FMN2: variants seen among roughly 807,000 people sequenced by gnomAD.
The protein encoded by FMN2 is formin 2.
A neutral mutation model predicts 142.3 loss-of-function variants in FMN2; 51 were observed. The ratio of observed to expected loss-of-function variants is 0.36; its 90% CI spans 0.29 to 0.45. FMN2 has a LOEUF of 0.45. FMN2 is among the 20% of genes least tolerant of loss of function. FMN2 has a pLI of 1.00. For missense variants in FMN2, 1,936 were observed against 2,122.8 expected (o/e 0.91, Z 1.73); for synonymous variants, 882 against 869.8 (o/e 1.01, Z -0.25).
rs1328047452 is a variant in FMN2, at chr1:240,473,037, G to A, written c.5142+584G>A. ...GTGCATGTTGGCAGGGGCAGGGTGG[G>A]GAGACCATCTTTCACTTTCTTTGTT... On this transcript the variant is annotated intron_variant, in intron 17 of 17. Coordinates refer to ENST00000319653, the MANE Select transcript of FMN2 (RefSeq NM_020066.5). This position sits in a 1 kb window ranked among gnomAD's most constrained non-coding sequence, Gnocchi z 4.3. Among the ~76,000 whole-genome samples, 3 of 152,128 alleles carry A rather than the reference G, an allele frequency of 2.0e-5. No individual in the cohort carries two copies. Among genetic ancestry groups the A allele is most frequent in the African/African-American group, 7.2e-5 (3 of 41,422 alleles).
chr1:240,185,966 G>T (rs1333260243), intron 3 of FMN2, among the ~76,000 whole-genome samples: 1 of 152,178 alleles, frequency 6.6e-6, no homozygotes, highest in Non-Finnish European at 1.5e-5. Context: ...CTGGTGTTAA[G>T]TTCAGAGTAG....
At chr1:240,429,665 A>G (rs887606576) in intron 15 of FMN2, among the ~76,000 whole-genome samples, 3 of 152,174 alleles carry the variant, frequency 2.0e-5, no homozygotes, top group African/African-American at 7.2e-5. Context: ...AAGTGGAATC[A>G]TATGGCGTGT....
At chr1:240,370,913 A>C (rs1272144325) in intron 14 of FMN2, among the ~76,000 whole-genome samples, 1 of 152,198 alleles carries the variant, frequency 6.6e-6, no homozygotes, top group Non-Finnish European at 1.5e-5. Context: ...AATATATTTT[A>C]AACTATGTAA....
At chr1:240,145,961 T>C (rs1275444143) in intron 2 of FMN2, among the ~76,000 whole-genome samples, 1 of 152,152 alleles carries the variant, frequency 6.6e-6, no homozygotes, top group Non-Finnish European at 1.5e-5. Context: ...TTGAGCTTCA[T>C]GCATCAATTA....
At chr1:240,144,332 T>C in intron 2 of FMN2, 1 of 1,606,670 alleles carries the variant, frequency 6.2e-7, no homozygotes, top group Non-Finnish European at 8.5e-7. Flanking sequence ...GTGGGTTTTG[T>C]AGATGTCATC....
chr1:240,236,275 C>T (rs1042750446), intron 6 of FMN2, among the ~76,000 whole-genome samples: 3 of 152,150 alleles, frequency 2.0e-5, no homozygotes, highest in African/African-American at 7.2e-5. Context: ...TAGCACCATC[C>T]ATACTGTTCA....
intron 14 of FMN2, among the ~76,000 whole-genome samples, chr1:240,368,127 A>G (rs1226549271): frequency 6.6e-6 from 1 of 152,174 alleles, no homozygotes; most frequent in East Asian, 1.9e-4. Flanking sequence ...ACCTGTTACT[A>G]TTCTATTTAC....
At chr1:240,144,905 T>C in intron 2 of FMN2, 6 of 1,369,572 alleles carry the variant, frequency 4.4e-6, no homozygotes, top group Non-Finnish European at 6.3e-6. Context: ...CCTGATATAC[T>C]CATGACTCCA....
At chr1:240,346,536 C>CCCT (rs1671914259) in intron 13 of FMN2, among the ~76,000 whole-genome samples, 2 of 152,112 alleles carry the variant, frequency 1.3e-5, no homozygotes, top group Non-Finnish European at 2.9e-5. Flanking sequence ...GTTGTAGTTA[C>CCCT]CTCTGGGCCT....
At chr1:240,441,684 G>A (rs575736662) in intron 16 of FMN2, among the ~76,000 whole-genome samples, 2 of 146,474 alleles carry the variant, frequency 1.4e-5, no homozygotes, top group East Asian at 4.0e-4. Context: ...ATATGGTATA[G>A]CTCTCATATC....
At chr1:240,107,953 C>T (rs1446685475) in intron 1 of FMN2, among the ~76,000 whole-genome samples, 1 of 152,162 alleles carries the variant, frequency 6.6e-6, no homozygotes, top group Admixed American at 6.5e-5. Context: ...ATCAAACGTG[C>T]ACCTCAGTTC....
chr1:240,191,045 C>T (rs1208072239), intron 4 of FMN2, among the ~76,000 whole-genome samples: 1 of 152,030 alleles, frequency 6.6e-6, no homozygotes, highest in Admixed American at 6.6e-5. Flanking sequence ...GAATGATGAA[C>T]CTAAGAGATT....
chr1:240,389,343 G>A (rs371760095), intron 14 of FMN2, among the ~76,000 whole-genome samples: 7 of 152,104 alleles, frequency 4.6e-5, no homozygotes, highest in African/African-American at 1.4e-4. Context: ...ATAAGTTGTT[G>A]CAAATAGAAA....
chr1:240,110,582 TG>T (rs1661773837), intron 1 of FMN2, among the ~76,000 whole-genome samples: 2 of 152,144 alleles, frequency 1.3e-5, no homozygotes, highest in Non-Finnish European at 2.9e-5. Context: ...TTGTGAGTTT[TG>T]CTTCTCAAGG....
intron 6 of FMN2, among the ~76,000 whole-genome samples, chr1:240,249,067 A>G (rs746528258): frequency 1.3e-5 from 2 of 151,916 alleles, no homozygotes; most frequent in Non-Finnish European, 2.9e-5. Flanking sequence ...TACTCTGTTG[A>G]TTGTTTTTTT....
At chr1:240,459,716 C>CAAAAAAA (rs1676376801) in intron 16 of FMN2, among the ~76,000 whole-genome samples, 1 of 32,828 alleles carries the variant, frequency 3.0e-5, no homozygotes, top group Non-Finnish European at 5.2e-5. Flanking sequence ...GACTCTGTCT[C>CAAAAAAA]TAAAAAAAAA....
chr1:240,323,212 T>A (rs1671040660), intron 8 of FMN2, among the ~76,000 whole-genome samples: 1 of 150,824 alleles, frequency 6.6e-6, no homozygotes, highest in Non-Finnish European at 1.5e-5. Context: ...TCTCTCACAC[T>A]CTCACTCTCT....
chr1:240,109,319 T>C (rs546753443), intron 1 of FMN2, among the ~76,000 whole-genome samples: 7 of 152,300 alleles, frequency 4.6e-5, no homozygotes, highest in African/African-American at 1.4e-4. Flanking sequence ...AAGATGAACA[T>C]ACTGAAGTGG....
At chr1:240,439,179 A>G (rs1227916050) in intron 16 of FMN2, among the ~76,000 whole-genome samples, 25 of 151,644 alleles carry the variant, frequency 1.6e-4, no homozygotes, top group Admixed American at 1.6e-3. Flanking sequence ...AGACTGAGGC[A>G]GGAGAATCGC....
Sources: allele counts gnomAD v4.1 joint callset (sites outside exome capture counted in the v4.1 genomes callset), GRCh38; gene constraint gnomAD v4.1.1; non-coding constraint Gnocchi (gnomAD v3.1); transcripts MANE v1.5; gene names NCBI Gene and HGNC (gene_info 2026-07-23, HGNC 2026-07-21).